CDKL1: variants seen among roughly 807,000 people sequenced by gnomAD.
CDKL1 encodes the protein cyclin dependent kinase like 1.
CDKL1 carries 41 observed loss-of-function variants against 42.0 expected under a neutral mutation model. That is an observed-to-expected ratio of 0.98 (90% CI 0.76 to 1.27). The LOEUF (loss-of-function observed/expected upper bound fraction) is 1.27, where lower values mean the gene tolerates loss of function less well. Among genes scored for constraint, CDKL1 ranks in the 50% most tolerant of loss-of-function variants. CDKL1 has a pLI of 0.00. For synonymous variants in CDKL1, 153 were observed against 158.6 expected, an observed-to-expected ratio of 0.96 and a Z score of 0.26; for missense variants, 394 against 428.4, an observed-to-expected ratio of 0.92 and a Z score of 0.71.
Position 50,396,040 on chromosome 14 carries a change from G to T in CDKL1, c.-172C>A. On this transcript the variant is annotated 5_prime_UTR_variant, in exon 2 of 10. Coordinates refer to ENST00000395834, the MANE Select transcript of CDKL1 (RefSeq NM_004196.7). ...TCTCTACTAAAGATACAAAAAATTAGCCGGGTGTGGTGATGGGCGCCCGTA... is the reference window on the plus strand; with the variant it reads ...TCTCTACTAAAGATACAAAAAATTATCCGGGTGTGGTGATGGGCGCCCGTA... 9.8e-7 allele frequency: 1 copy of T among 1,018,530 alleles called. No homozygotes were observed. The highest frequency in any genetic ancestry group is 1.4e-6 in the Non-Finnish European group (1 of 734,558). The allele number at this position is 1,018,530 out of a possible 1,614,324, so 63.1% of individuals were successfully genotyped here. A position where few individuals can be genotyped will look rare whatever the true frequency, so the allele number is the denominator to read the frequency against.
At chr14:50,354,779 A>G (rs2139436774) in intron 3 of CDKL1, among the ~76,000 whole-genome samples, 1 of 152,324 alleles carries the variant, frequency 6.6e-6, no homozygotes, top group South Asian at 2.1e-4. Flanking sequence ...CCAAGGGAGT[A>G]CCAGAAGTTA....
At chr14:50,393,755 G>C (rs561321688) in intron 2 of CDKL1, among the ~76,000 whole-genome samples, 1 of 152,318 alleles carries the variant, frequency 6.6e-6, no homozygotes, top group African/African-American at 2.4e-5. Context: ...GATCAGTGGT[G>C]TCTACATCTG....
At chr14:50,342,799 G>T in intron 4 of CDKL1, 1 of 1,051,268 alleles carries the variant, frequency 9.5e-7, no homozygotes, top group Non-Finnish European at 1.2e-6. Flanking sequence ...GGCCTGCTGA[G>T]ATAAGCTGGG....
intron 7 of CDKL1, among the ~76,000 whole-genome samples, chr14:50,336,597 G>A (rs12100734): frequency 0.013 from 1,976 of 152,268 alleles, 40 homozygotes; most frequent in African/African-American, 0.045. Flanking sequence ...AACACAAGTG[G>A]TAGAGACAGA....
chr14:50,358,011 C>A (rs1008151908), intron 3 of CDKL1: 1 of 1,337,764 alleles, frequency 7.5e-7, no homozygotes, highest in Admixed American at 1.9e-5. Flanking sequence ...GAGCTGGAAT[C>A]CAGTCCTCTC....
rs2032778675 is a variant in CDKL1, at chr14:50,328,093, A to G, written c.*1981T>C. 6.6e-6 allele frequency: 1 copy of G among 152,214 alleles called. No individual in the cohort carries two copies. The highest frequency in any genetic ancestry group is 1.5e-5 in the Non-Finnish European group (1 of 68,032). 9.4% of individuals were successfully genotyped at this position (152,214 alleles called of 1,614,324 possible). A position where few individuals can be genotyped will look rare whatever the true frequency, so the allele number is the denominator to read the frequency against. On this transcript the variant is annotated 3_prime_UTR_variant, in exon 10 of 10. Coordinates refer to ENST00000395834, the MANE Select transcript of CDKL1 (RefSeq NM_004196.7). ...TGTTTCATTACTGTATGGTGAGACA[A>G]CTGATTCACCACGATTTAGTCTAGA...
At chr14:50,343,203 C>G in intron 4 of CDKL1, 1 of 390,960 alleles carries the variant, frequency 2.6e-6, no homozygotes, top group Non-Finnish European at 4.1e-6. Context: ...GCTCAGGGTC[C>G]CTAATAATCT....
intron 2 of CDKL1, among the ~76,000 whole-genome samples, chr14:50,380,451 T>G (rs1268377607): frequency 6.6e-6 from 1 of 152,252 alleles, no homozygotes; most frequent in Non-Finnish European, 1.5e-5. Flanking sequence ...TTGACTTGAA[T>G]GTATTCTTTC....
intron 2 of CDKL1, chr14:50,364,066 T>C (rs2139468172): frequency 6.6e-6 from 1 of 152,268 alleles, no homozygotes; most frequent in South Asian, 2.1e-4. Context: ...AAGCAAGGAG[T>C]AGCACTGTGC....
chr14:50,389,542 T>C (rs2139544444), intron 2 of CDKL1, among the ~76,000 whole-genome samples: 1 of 152,228 alleles, frequency 6.6e-6, no homozygotes, highest in East Asian at 1.9e-4. Flanking sequence ...GTTCTCATTA[T>C]GAATCTCTGC....
intron 2 of CDKL1, among the ~76,000 whole-genome samples, chr14:50,391,839 C>T (rs537580700): frequency 2.0e-5 from 3 of 152,286 alleles, no homozygotes; most frequent in South Asian, 2.1e-4. Flanking sequence ...ACTTCTCACT[C>T]GTATAATAAA....
intron 2 of CDKL1, chr14:50,390,367 G>A (rs2035220639): frequency 7.3e-7 from 1 of 1,364,728 alleles, no homozygotes; most frequent in South Asian, 1.1e-5. Flanking sequence ...TACTTTTTCT[G>A]CCACTGCTGG....
At chr14:50,336,187 C>T (rs760443988) in intron 7 of CDKL1, 2 of 1,358,048 alleles carry the variant, frequency 1.5e-6, no homozygotes, top group African/African-American at 1.5e-5. Context: ...GCAAGCAGGC[C>T]TCCCTCTGTC....
chr14:50,369,158 C>T (rs376964302), intron 2 of CDKL1, among the ~76,000 whole-genome samples: 5 of 152,114 alleles, frequency 3.3e-5, no homozygotes, highest in African/African-American at 4.8e-5. Flanking sequence ...TGAGCCACCA[C>T]GCCCGGCCGC....
chr14:50,357,135 G>A (rs2034079174), intron 3 of CDKL1: 1 of 152,130 alleles, frequency 6.6e-6, no homozygotes, highest in African/African-American at 2.4e-5. Context: ...ATCAACATAC[G>A]AAATGTTTTC....
intron 2 of CDKL1, among the ~76,000 whole-genome samples, chr14:50,366,677 T>C (rs1595339110): frequency 6.6e-6 from 1 of 152,042 alleles, no homozygotes; most frequent in African/African-American, 2.4e-5. Flanking sequence ...AGAGGCAGGG[T>C]AGTCGGTGAG....
intron 9 of CDKL1, chr14:50,330,914 A>T (rs545201807): frequency 6.6e-6 from 1 of 151,466 alleles, no homozygotes; most frequent in South Asian, 2.1e-4. Flanking sequence ...AGTACTTTTA[A>T]ATCAGTTGAT....
At chr14:50,358,136 T>C in intron 3 of CDKL1, 1 of 1,342,768 alleles carries the variant, frequency 7.4e-7, no homozygotes, top group Non-Finnish European at 9.9e-7. Context: ...CACAAAGATG[T>C]TGCATATGCT....
chr14:50,385,402 C>G (rs1259931477), intron 2 of CDKL1, among the ~76,000 whole-genome samples: 1 of 152,162 alleles, frequency 6.6e-6, no homozygotes, highest in South Asian at 2.1e-4. Context: ...AGTCGAGGCA[C>G]ATTCCACAAA....
Sources: allele counts gnomAD v4.1 joint callset (sites outside exome capture counted in the v4.1 genomes callset), GRCh38; gene constraint gnomAD v4.1.1; transcripts MANE v1.5; gene names NCBI Gene and HGNC (gene_info 2026-07-23, HGNC 2026-07-21).